The following PLOD2 variants were observed in gnomAD, a reference collection of about 807,000 sequenced individuals.
The protein encoded by PLOD2 is lysine hydroxylase 2.
In PLOD2, 65 loss-of-function variants were observed where a neutral mutation model predicts 101.0. The observed-to-expected ratio is 0.64, with a 90% confidence interval of 0.53 to 0.79. PLOD2 has a LOEUF of 0.79. PLOD2 is among the 30% of genes least tolerant of loss of function. The pLI, the probability that PLOD2 is intolerant of heterozygous loss-of-function variation, is 0.00. For synonymous variants in PLOD2, 314 were observed against 302.9 expected, an observed-to-expected ratio of 1.04 and a Z score of -0.38; for missense variants, 909 against 914.6, an observed-to-expected ratio of 0.99 and a Z score of 0.08.
intron 1 of PLOD2, among the ~76,000 whole-genome samples, chr3:146,137,031 T>G (rs1478800584): frequency 6.6e-6 from 1 of 152,234 alleles, no homozygotes; most frequent in Non-Finnish European, 1.5e-5. Context: ...AATGAAGTTC[T>G]TTGGTTCCAT....
intron 11 of PLOD2, among the ~76,000 whole-genome samples, chr3:146,083,643 G>A (rs560716861): frequency 1.6e-4 from 23 of 146,564 alleles, no homozygotes; most frequent in African/African-American, 5.1e-4. Context: ...GTGCAGTGGC[G>A]CAATCTTGGC....
chr3:146,099,106 T>C (rs909433000), intron 7 of PLOD2, among the ~76,000 whole-genome samples: 8 of 152,196 alleles, frequency 5.3e-5, no homozygotes, highest in African/African-American at 1.7e-4. Context: ...CTAGATATGA[T>C]AATATCAGAG....
intron 3 of PLOD2, among the ~76,000 whole-genome samples, chr3:146,118,522 T>C (rs1938026568): frequency 6.6e-6 from 1 of 152,092 alleles, no homozygotes; most frequent in Non-Finnish European, 1.5e-5. Flanking sequence ...TATTTTCAAA[T>C]TGAGAAAAAA....
rs752735194 is a variant in PLOD2 at position 146,160,914 on chromosome 3, C to A, written c.76G>T (p.Ala26Ser). The change falls in exon 1 of 20, where the codon GCG becomes TCG. Residue 26 changes from alanine (A) to serine (S), a missense_variant. By Grantham distance (99) the Ala-to-Ser change is moderately conservative. Transcript: ENST00000282903. ...VLHPWNPCLGADSEKPSSIPT... is the reference protein window; with the variant it reads ...VLHPWNPCLGSDSEKPSSIPT... ...ATGCTCGAGGGCTTCTCCGAGTCCG[C>A]ACCCAGACAGGGATTCCAGGGGTGG... The A allele has an allele frequency of 2.5e-6, 4 of 1,595,286 alleles. No homozygotes were observed. The highest frequency in any genetic ancestry group is 2.6e-6 in the Non-Finnish European group (3 of 1,171,018).
intron 7 of PLOD2, among the ~76,000 whole-genome samples, chr3:146,097,165 G>A (rs574570730): frequency 0.02 from 2,948 of 150,504 alleles, 76 homozygotes; most frequent in African/African-American, 0.068. Flanking sequence ...CGCCCAGTCC[G>A]GGAGGGAGGT....
intron 1 of PLOD2, among the ~76,000 whole-genome samples, chr3:146,156,510 A>G (rs1048181457): frequency 1.9e-4 from 29 of 152,202 alleles, no homozygotes; most frequent in African/African-American, 6.5e-4. Context: ...TCTCCTTTTG[A>G]TATTTTTCAA....
In PLOD2 at chr3:146,072,590, A is replaced by T; in HGVS notation, c.1819T>A (p.Tyr607Asn). The change falls in exon 17 of 20, where the codon TAC (tyrosine) becomes AAC (asparagine). Residue 607 changes from tyrosine (Y) to asparagine (N), a missense_variant. Tyr to Asn is a moderately radical substitution (Grantham distance 143). Transcript: ENST00000282903. ...CDELVEEMEHYGKWSGGKHHD... is the reference protein window; with the variant it reads ...CDELVEEMEHNGKWSGGKHHD... ...TGTTTTCCCCCAGACCATTTGCCGT[A>T]ATGTTCCATTTCTTCTACCAATTCA... 6.2e-7 allele frequency: 1 copy of T among 1,609,652 alleles called. No homozygotes were observed. Among genetic ancestry groups the T allele is most frequent in the Non-Finnish European group, 8.5e-7 (1 of 1,176,616 alleles).
rs1295454741 is a variant in PLOD2 at position 146,121,198 on chromosome 3, A to G, written c.252T>C (p.Ile84=). 5.6e-6 allele frequency: 9 copies of G among 1,608,670 alleles called. No homozygotes were observed. Among genetic ancestry groups the G allele is most frequent in the Non-Finnish European group, 7.7e-6 (9 of 1,175,368 alleles). ...TTAATCTCACTTTCTGGCCCCCTCC[A>G]ATACTATTAATTCCATCACCACCTC... ...EWRGGDGINS[I]GGGQKVRLMK... Residue 84 remains isoleucine, a synonymous_variant, in exon 3 of 20, where the codon ATT becomes ATC. Coordinates refer to ENST00000282903, the MANE Select transcript of PLOD2 (RefSeq NM_182943.3).
intron 1 of PLOD2, among the ~76,000 whole-genome samples, chr3:146,151,267 G>A (rs1346960394): frequency 2.0e-5 from 3 of 152,180 alleles, no homozygotes; most frequent in Admixed American, 6.5e-5. Context: ...AGAGGCTGAG[G>A]TGGGCGGATC....
chr3:146,071,542 G>T, intron 17 of PLOD2, 119 bp from the exon 18 acceptor site: 3 of 950,964 alleles, frequency 3.2e-6, no homozygotes, highest in Non-Finnish European at 5.1e-6. Flanking sequence ...TTGTTCCAAT[G>T]TGGTATATCA....
intron 1 of PLOD2, among the ~76,000 whole-genome samples, chr3:146,124,971 C>T (rs2108099621): frequency 6.6e-6 from 1 of 152,158 alleles, no homozygotes; most frequent in East Asian, 1.9e-4. Flanking sequence ...AAGGAATTGT[C>T]TCAAAACACC....
In PLOD2 at chr3:146,160,973, A is replaced by T; in HGVS notation, c.17T>A (p.Val6Glu). 1 of 1,589,264 alleles carries T rather than the reference A, an allele frequency of 6.3e-7. No individual in the cohort carries two copies. Among genetic ancestry groups the T allele is most frequent in the South Asian group, 1.1e-5 (1 of 87,068 alleles). Residue 6 changes from valine (V) to glutamate (E), a missense_variant, in exon 1 of 20, where the codon GTG becomes GAG. By Grantham distance (121) the Val-to-Glu change is moderately radical. Transcript: ENST00000282903. MGGCT[V>E]KPQLLLLALV... The stretch of plus-strand genomic sequence containing the variant: ...CGCCAGGAGCAGCAGCTGAGGCTTC[A>T]CCGTGCATCCCCCCATATTCGGCCC...
In PLOD2 at chr3:146,072,567, T is replaced by G; in HGVS notation, c.1842A>C (p.Lys614Asn). 1 of 1,595,882 alleles carries G rather than the reference T, an allele frequency of 6.3e-7. No individual in the cohort carries two copies. Among genetic ancestry groups the G allele is most frequent in the Non-Finnish European group, 8.6e-7 (1 of 1,164,192 alleles). The stretch of plus-strand genomic sequence containing the variant: ...GTGTGAAATTACAACTTACATGATG[T>G]TTTCCCCCAGACCATTTGCCGTAAT... ...MEHYGKWSGG[K>N]HHDSRISGGY... Residue 614 changes from lysine to asparagine, a missense_variant, in exon 17 of 20, where the codon AAA becomes AAC. Physicochemically the swap from Lys to Asn is moderately conservative, Grantham distance 94. Coordinates refer to ENST00000282903, the MANE Select transcript of PLOD2 (RefSeq NM_182943.3).
chr3:146,085,527 T>A, intron 10 of PLOD2: 1 of 519,038 alleles, frequency 1.9e-6, no homozygotes, highest in Non-Finnish European at 3.4e-6. Flanking sequence ...AGCCAGTAAA[T>A]ATTTTAAGGC....
In PLOD2 at chr3:146,077,855, A is replaced by C; in HGVS notation, c.1563+7T>G. The C allele has an allele frequency of 6.5e-7, 1 of 1,535,606 alleles. No individual in the cohort carries two copies. The highest frequency in any genetic ancestry group is 1.4e-5 in the African/African-American group (1 of 72,988). ...ACAAAAATAAATAAAATAAGTAAAAATAACACCTTTGGGGGGCTGAGCATT... is the reference window on the plus strand; with the variant it reads ...ACAAAAATAAATAAAATAAGTAAAACTAACACCTTTGGGGGGCTGAGCATT... On this transcript the variant is annotated splice_region_variant and intron_variant, in intron 14 of 19. Transcript: ENST00000282903.
Position 146,095,879 on chromosome 3 carries a change from TCCCCTCTCCCCTCTCCCCCCTCC to T in PLOD2, c.778-4001_778-3979del, listed in dbSNP as rs1937133762. ...CCTCTCCCCTCTCCCCTCTCCCCTC[TCCCCTCTCCCCTCTCCCCCCTCC>T]CCCCTCTCCCTCCACAGTCTCCCTC... On this transcript the variant is annotated intron_variant, in intron 7 of 19. Transcript: ENST00000282903. Among the ~76,000 whole-genome samples the T allele has an allele frequency of 3.4e-5, 4 of 116,360 alleles. No homozygotes were observed. In the South Asian group the frequency reaches 1.5e-3, roughly 43 times the overall value. 76.3% of individuals were successfully genotyped at this position (116,360 alleles called of 152,430 possible).
chr3:146,137,155 A>T (rs1286546235), intron 1 of PLOD2, among the ~76,000 whole-genome samples: 1 of 152,208 alleles, frequency 6.6e-6, no homozygotes, highest in Non-Finnish European at 1.5e-5. Context: ...GATGGAATTG[A>T]CTAAAAGGTA....
chr3:146,144,838 T>C (rs1212826510), intron 1 of PLOD2, among the ~76,000 whole-genome samples: 1 of 93,728 alleles, frequency 1.1e-5, no homozygotes, highest in African/African-American at 4.9e-5. Context: ...AGAAAATACA[T>C]GAAGATATAC....
At chr3:146,078,232 T>C (rs1936412555) in intron 13 of PLOD2, among the ~76,000 whole-genome samples, 1 of 151,812 alleles carries the variant, frequency 6.6e-6, no homozygotes, top group Non-Finnish European at 1.5e-5. Flanking sequence ...GGCCATTCCA[T>C]GATGCGCTGT....
Sources: allele counts gnomAD v4.1 joint callset (sites outside exome capture counted in the v4.1 genomes callset), GRCh38; gene constraint gnomAD v4.1.1; transcripts MANE v1.5; gene names NCBI Gene and HGNC (gene_info 2026-07-23, HGNC 2026-07-21).